Variants in SCLY observed in about 807,000 individuals in gnomAD.
SCLY encodes putative selenocysteine lyase.
In SCLY, 38 loss-of-function variants were observed where a neutral mutation model predicts 50.1. The ratio of observed to expected loss-of-function variants is 0.76; its 90% CI spans 0.59 to 0.99. The LOEUF (loss-of-function observed/expected upper bound fraction) is 0.99, where lower values mean the gene tolerates loss of function less well. Ranked by LOEUF, SCLY falls within the 50% of genes least tolerant of loss-of-function variation. The probability of loss-of-function intolerance (pLI) is 0.00; values close to 1 mark genes in which losing one functional copy is unlikely to be tolerated. For synonymous variants in SCLY, 243 were observed against 249.4 expected, an observed-to-expected ratio of 0.97 and a Z score of 0.24; for missense variants, 600 against 620.0, an observed-to-expected ratio of 0.97 and a Z score of 0.34.
rs1035753859 is a variant in SCLY, at chr2:238,069,491, G to C, written c.484+14G>C. The stretch of plus-strand genomic sequence containing the variant: ...AACAAGTGGCAGGTGAGTGAGTGCA[G>C]GGTGGCCCTGGGACCAGCCTGCTGA... On this transcript the variant is annotated intron_variant, in intron 4 of 11. Transcript: ENST00000254663. The surrounding 1 kb of genome is among the most constrained non-coding windows in gnomAD (Gnocchi z 5.0). The C allele has an allele frequency of 5.0e-6, 8 of 1,595,952 alleles. No individual in the cohort carries two copies. In the African/African-American group the frequency reaches 8.1e-5, roughly 16 times the overall value.
intron 6 of SCLY, among the ~76,000 whole-genome samples, chr2:238,082,421 G>T (rs980507372): frequency 3.9e-5 from 6 of 152,212 alleles, no homozygotes; most frequent in African/African-American, 1.4e-4. Flanking sequence ...GATGATGGGG[G>T]GGGTGCCCAG....
In SCLY at chr2:238,067,343, G is replaced by A. The variant is rs887578364; in HGVS notation, c.203-722G>A. 3.9e-5 allele frequency among the ~76,000 whole-genome samples: 6 copies of A among 152,056 alleles called. No homozygotes were observed. Among genetic ancestry groups the A allele is most frequent in the Admixed American group, 2.0e-4 (3 of 15,262 alleles). On this transcript the variant is annotated intron_variant, in intron 2 of 11. Coordinates refer to ENST00000254663, the MANE Select transcript of SCLY (RefSeq NM_016510.7). This position sits in a 1 kb window ranked among gnomAD's most constrained non-coding sequence, Gnocchi z 4.3. ...GTTTCGTAATAGTATATGTTTTAGC[G>A]GTGCCTGCTCAATTTTTTCTTATTT...
intron 7 of SCLY, among the ~76,000 whole-genome samples, chr2:238,084,893 CAAAAAAAA>C (rs377025100): frequency 9.3e-6 from 1 of 107,510 alleles, no homozygotes; most frequent in African/African-American, 3.7e-5. Flanking sequence ...GACTCCATCT[CAAAAAAAA>C]AAAAAAAAAA....
rs889457938 is a variant in SCLY, at chr2:238,098,868, C to G, written c.*513C>G. 1.2e-5 allele frequency: 3 copies of G among 250,822 alleles called. No individual in the cohort carries two copies. Among genetic ancestry groups the G allele is most frequent in the Middle Eastern group, 1.2e-3 (1 of 826 alleles). The allele number at this position is 250,822 out of a possible 1,614,324, so 15.5% of individuals were successfully genotyped here. A position where few individuals can be genotyped will look rare whatever the true frequency, so the allele number is the denominator to read the frequency against. On this transcript the variant is annotated 3_prime_UTR_variant, in exon 12 of 12. Coordinates refer to ENST00000254663, the MANE Select transcript of SCLY (RefSeq NM_016510.7). ...TTGTTTTGATCATGGCCTCTACATG[C>G]ACCTTTCCAGAGTGGTCTCTTCTCA...
At position 238,067,071 on chromosome 2, in the gene SCLY, A is replaced by G. The variant is rs764888772; in HGVS notation, c.203-994A>G. Among the ~76,000 whole-genome samples, 3 of 152,156 alleles carry G rather than the reference A, an allele frequency of 2.0e-5. No individual in the cohort carries two copies. Among genetic ancestry groups the G allele is most frequent in the Non-Finnish European group, 4.4e-5 (3 of 68,020 alleles). On this transcript the variant is annotated intron_variant, in intron 2 of 11. Coordinates refer to ENST00000254663, the MANE Select transcript of SCLY (RefSeq NM_016510.7). The surrounding 1 kb of genome is among the most constrained non-coding windows in gnomAD (Gnocchi z 4.3). Reference sequence around the variant, plus strand: ...GGAATTATGGGAGCTACAATTCAAGATGAGATTTGGGTGGGGACACAGCCA... The same window carrying G: ...GGAATTATGGGAGCTACAATTCAAGGTGAGATTTGGGTGGGGACACAGCCA...
Position 238,099,409 on chromosome 2 carries a change from C to T in SCLY, c.*1054C>T. On this transcript the variant is annotated 3_prime_UTR_variant, in exon 12 of 12. Coordinates refer to ENST00000254663, the MANE Select transcript of SCLY (RefSeq NM_016510.7). ...AATTAACGAATAAAAGATTTCAGTG[C>T]CCGACTTGGGGATCCTGTGGTTTCT... 1 of 452,534 alleles carries T rather than the reference C, an allele frequency of 2.2e-6. No homozygotes were observed. Among genetic ancestry groups the T allele is most frequent in the Non-Finnish European group, 4.6e-6 (1 of 218,308 alleles). 28.0% of individuals were successfully genotyped at this position (452,534 alleles called of 1,614,324 possible).
intron 3 of SCLY, 88 bp downstream of exon 3, chr2:238,068,253 T>C: frequency 9.3e-7 from 1 of 1,070,896 alleles, no homozygotes; most frequent in Non-Finnish European, 1.3e-6. Context: ...ACATTTTCAT[T>C]TAAAGAAAGA....
chr2:238,088,913 T>C (rs1208745671), intron 7 of SCLY, among the ~76,000 whole-genome samples: 2 of 152,240 alleles, frequency 1.3e-5, no homozygotes, highest in Non-Finnish European at 2.9e-5. Context: ...CTGGAAGTTC[T>C]GGTCAGCGTA....
chr2:238,065,660 T>TATTATTATTATTA lies in SCLY; in HGVS notation c.202+1191_202+1192insATTATTATTATTA, dbSNP rs1553564087. 2.8e-5 allele frequency among the ~76,000 whole-genome samples: 4 copies of TATTATTATTATTA among 143,514 alleles called. 1 individual carries two copies. Among genetic ancestry groups the TATTATTATTATTA allele is most frequent in the Admixed American group, 1.4e-4 (2 of 14,400 alleles). The allele number at this position is 143,514 out of a possible 152,430, so 94.2% of individuals were successfully genotyped here. A position where few individuals can be genotyped will look rare whatever the true frequency, so the allele number is the denominator to read the frequency against. ...GTTATTTAAACTAATAATATTTTAT[T>TATTATTATTATTA]TTATTATTATTATTATTATTATTAT... On this transcript the variant is annotated intron_variant, in intron 2 of 11. Transcript: ENST00000254663.
At chr2:238,079,605 TACAGTTGC>T (rs2065214183) in intron 4 of SCLY, 2 of 152,246 alleles carry the variant, frequency 1.3e-5, no homozygotes, top group African/African-American at 4.8e-5. Flanking sequence ...TGTTATTTTA[TACAGTTGC>T]TTTTAAATCA....
At chr2:238,064,097 G>A (rs529961042) in intron 1 of SCLY, among the ~76,000 whole-genome samples, 40 of 152,260 alleles carry the variant, frequency 2.6e-4, no homozygotes, top group Non-Finnish European at 4.7e-4. Flanking sequence ...TTTGAAAACC[G>A]AAATGAAAAT....
At chr2:238,063,278 ACT>A in intron 1 of SCLY, among the ~76,000 whole-genome samples, 1 of 140,808 alleles carries the variant, frequency 7.1e-6, no homozygotes, top group East Asian at 2.1e-4. Flanking sequence ...TTTGAGACGG[ACT>A]CTCACTCTGT....
rs568093693 is a variant in SCLY, at chr2:238,091,987, G to A, written c.921+733G>A. 1.6e-3 allele frequency: 237 copies of A among 152,346 alleles called. 1 individual carries two copies. The highest frequency in any genetic ancestry group is 5.5e-3 in the African/African-American group (228 of 41,560). The allele number at this position is 152,346 out of a possible 1,614,324, so 9.4% of individuals were successfully genotyped here. A position where few individuals can be genotyped will look rare whatever the true frequency, so the allele number is the denominator to read the frequency against. On this transcript the variant is annotated intron_variant, in intron 8 of 11. Transcript: ENST00000254663. ...CAGAGAAAGGGCTTAGCGCCCAGGA[G>A]GCCGGGCCTTGGGAAGAGTATGAAT...
intron 4 of SCLY, among the ~76,000 whole-genome samples, chr2:238,074,854 C>T (rs1404018188): frequency 6.6e-6 from 1 of 152,186 alleles, no homozygotes; most frequent in Non-Finnish European, 1.5e-5. Flanking sequence ...ATATCATCTA[C>T]AGCTAGAGAT....
Position 238,093,916 on chromosome 2 carries a change from T to C in SCLY, c.977T>C (p.Val326Ala), listed in dbSNP as rs150180725. 24 of 1,613,828 alleles carry C rather than the reference T, an allele frequency of 1.5e-5. No individual in the cohort carries two copies. The highest frequency in any genetic ancestry group is 5.3e-5 in the African/African-American group (4 of 74,936). ...GCTTATGAGGCCCACATGAGGGACG[T>C]CCGCGACTACCTGGAAGAGAGGCTG... ...CEAYEAHMRD[V>A]RDYLEERLEA... The change falls in exon 9 of 12, where the codon GTC becomes GCC. Residue 326 changes from valine to alanine, a missense_variant. Physicochemically the swap from Val to Ala is moderately conservative, Grantham distance 64. Transcript: ENST00000254663.
Position 238,069,372 on chromosome 2 carries a change from C to A in SCLY, c.379C>A (p.His127Asn). 1 of 1,614,154 alleles carries A rather than the reference C, an allele frequency of 6.2e-7. No homozygotes were observed. The highest frequency in any genetic ancestry group is 8.5e-7 in the Non-Finnish European group (1 of 1,180,000). Reference protein sequence around the residue: ...NQTSKGHTGGHHSPVKGAKPH... With the variant: ...NQTSKGHTGGNHSPVKGAKPH... ...GACCTCAAAGGGACACACAGGTGGG[C>A]ACCACAGCCCAGTGAAGGGGGCCAA... The change falls in exon 4 of 12, where the codon CAC becomes AAC. Residue 127 changes from histidine to asparagine, a missense_variant. His to Asn is a moderately conservative substitution (Grantham distance 68). Coordinates refer to ENST00000254663, the MANE Select transcript of SCLY (RefSeq NM_016510.7). This position sits in a 1 kb window ranked among gnomAD's most constrained non-coding sequence, Gnocchi z 5.0.
intron 9 of SCLY, 195 bp from the exon 10 acceptor site, chr2:238,094,225 A>G (rs2065400936): frequency 3.2e-6 from 2 of 617,798 alleles, no homozygotes; most frequent in African/African-American, 1.8e-5. Flanking sequence ...GAAGGTTCAT[A>G]TGTTTCTGAA....
chr2:238,061,670 A>G (rs1056761072), intron 1 of SCLY, among the ~76,000 whole-genome samples: 1 of 152,132 alleles, frequency 6.6e-6, no homozygotes, highest in South Asian at 2.1e-4. Context: ...ACAACCTAGG[A>G]GAGAGATGTG....
intron 4 of SCLY, chr2:238,080,553 C>T (rs1017905811): frequency 6.6e-6 from 1 of 152,412 alleles, no homozygotes; most frequent in African/African-American, 2.4e-5. Flanking sequence ...GGTGGACCCC[C>T]CCAACTTTTC....
Sources: gnomAD v4.1 joint callset for allele counts (sites outside exome capture counted in the v4.1 genomes callset) on GRCh38, gnomAD v4.1.1 for gene constraint, Gnocchi (gnomAD v3.1) non-coding constraint, MANE v1.5 for transcripts, NCBI Gene and HGNC (gene_info 2026-07-23, HGNC 2026-07-21) for gene names.